DLG2: variants seen among roughly 807,000 people sequenced by gnomAD.
DLG2 encodes disks large homolog 2.
Under a neutral mutation model 132.5 loss-of-function variants are expected in DLG2, and 45 were observed. The observed-to-expected ratio is 0.34, with a 90% confidence interval of 0.27 to 0.44. DLG2 has a LOEUF of 0.44. Ranked by LOEUF, DLG2 falls within the 20% of genes least tolerant of loss-of-function variation. The pLI is 1.00. For missense variants in DLG2, 1,045 were observed against 1,196.9 expected (o/e 0.87, Z 1.87); for synonymous variants, 424 against 419.6 (o/e 1.01, Z -0.13).
intron 6 of DLG2, among the ~76,000 whole-genome samples, chr11:84,914,443 T>G (rs1192594902): frequency 6.6e-6 from 1 of 152,250 alleles, no homozygotes; most frequent in African/African-American, 2.4e-5. Flanking sequence ...GTGCAGATAT[T>G]AGCAAATAGA....
intron 6 of DLG2, among the ~76,000 whole-genome samples, chr11:85,024,816 C>T (rs1271259952): frequency 6.6e-6 from 1 of 152,148 alleles, no homozygotes; most frequent in Non-Finnish European, 1.5e-5. Context: ...TCAGGTCTCT[C>T]AGTTAACATA....
At chr11:83,931,655 A>G (rs1317924057) in intron 14 of DLG2, among the ~76,000 whole-genome samples, 1 of 152,230 alleles carries the variant, frequency 6.6e-6, no homozygotes, top group Non-Finnish European at 1.5e-5. Context: ...ATTCAAGCCA[A>G]TGAAAATGAG....
chr11:85,420,384 G>T (rs936400662), intron 3 of DLG2, among the ~76,000 whole-genome samples: 1 of 152,140 alleles, frequency 6.6e-6, no homozygotes, highest in African/African-American at 2.4e-5. Flanking sequence ...CTGCTGGGAG[G>T]TGTCTCCCAG....
intron 6 of DLG2, among the ~76,000 whole-genome samples, chr11:84,547,098 A>G (rs1216987995): frequency 6.6e-6 from 1 of 152,134 alleles, no homozygotes; most frequent in Non-Finnish European, 1.5e-5. Context: ...ACTACCTCAC[A>G]AGATTTTTTA....
chr11:85,066,725 T>G (rs2064977563), intron 6 of DLG2, among the ~76,000 whole-genome samples: 2 of 151,604 alleles, frequency 1.3e-5, no homozygotes, highest in African/African-American at 4.8e-5. Flanking sequence ...GAAAAAGCAT[T>G]CAATAGAATT....
At chr11:84,809,855 T>C (rs974999400) in intron 6 of DLG2, among the ~76,000 whole-genome samples, 1 of 151,950 alleles carries the variant, frequency 6.6e-6, no homozygotes, top group African/African-American at 2.4e-5. Context: ...CTTACAGAGC[T>C]ACAGTAATTA....
At chr11:84,788,257 C>T (rs1306982116) in intron 6 of DLG2, among the ~76,000 whole-genome samples, 1 of 152,062 alleles carries the variant, frequency 6.6e-6, no homozygotes, top group African/African-American at 2.4e-5. Flanking sequence ...TTACACTTCT[C>T]ACTTTCTCTG....
intron 4 of DLG2, among the ~76,000 whole-genome samples, chr11:85,177,263 T>TTATATATATA (rs748552882): frequency 2.2e-5 from 3 of 137,056 alleles, no homozygotes; most frequent in African/African-American, 5.9e-5. Context: ...GTATATGTAT[T>TTATATATATA]TATATATATA....
At position 84,930,718 on chromosome 11, in the gene DLG2, C is replaced by T. The variant is rs79072728; in HGVS notation, c.357+180943G>A. Among the ~76,000 whole-genome samples the T allele has an allele frequency of 5.6e-4, 86 of 152,240 alleles. No homozygotes were observed. The East Asian group carries it at 0.015, about 26-fold the overall frequency. On this transcript the variant is annotated intron_variant, in intron 6 of 27. Transcript: ENST00000376104. ...CTTTTGCTCCTCTCAGTGTATGTTCCCCTCTCATCAAGACTGGATCTTTCT... is the reference window on the plus strand; with the variant it reads ...CTTTTGCTCCTCTCAGTGTATGTTCTCCTCTCATCAAGACTGGATCTTTCT...
At chr11:85,312,131 G>A (rs1324226148) in intron 3 of DLG2, among the ~76,000 whole-genome samples, 1 of 151,900 alleles carries the variant, frequency 6.6e-6, no homozygotes, top group East Asian at 1.9e-4. Flanking sequence ...ATAGTAAAAT[G>A]TGTCACACTG....
At chr11:85,547,189 G>A (rs556802961) in intron 3 of DLG2, among the ~76,000 whole-genome samples, 2 of 152,128 alleles carry the variant, frequency 1.3e-5, no homozygotes, top group Non-Finnish European at 2.9e-5. Context: ...GGCAGGCCTG[G>A]TGGTGACAAA....
intron 6 of DLG2, among the ~76,000 whole-genome samples, chr11:84,898,313 G>T (rs1397575422): frequency 1.3e-5 from 2 of 151,640 alleles, no homozygotes; most frequent in African/African-American, 2.4e-5. Context: ...TTGCTTTATT[G>T]GTTTCTTTCC....
chr11:84,471,481 G>A (rs1402140505), intron 7 of DLG2, among the ~76,000 whole-genome samples: 1 of 151,496 alleles, frequency 6.6e-6, no homozygotes, highest in Non-Finnish European at 1.5e-5. Context: ...TTCTGGTCTG[G>A]TCAGTTATGG....
chr11:84,078,263 G>A (rs935840452), intron 10 of DLG2, among the ~76,000 whole-genome samples: 6 of 152,098 alleles, frequency 3.9e-5, no homozygotes, highest in Non-Finnish European at 7.4e-5. Context: ...CAGGTAGATG[G>A]GAATGGGAAG....
intron 3 of DLG2, among the ~76,000 whole-genome samples, chr11:85,498,669 C>T (rs1012559500): frequency 6.6e-6 from 1 of 152,026 alleles, no homozygotes; most frequent in African/African-American, 2.4e-5. Flanking sequence ...AAATTGACCA[C>T]ATAATTGGAA....
At chr11:84,494,682 A>T (rs1301771280) in intron 7 of DLG2, among the ~76,000 whole-genome samples, 1 of 152,160 alleles carries the variant, frequency 6.6e-6, no homozygotes, top group Non-Finnish European at 1.5e-5. Flanking sequence ...GCCAGGGGTG[A>T]GCTTCAGCTG....
At chr11:85,518,766 G>A (rs1455602111) in intron 3 of DLG2, among the ~76,000 whole-genome samples, 1 of 152,192 alleles carries the variant, frequency 6.6e-6, no homozygotes, top group South Asian at 2.1e-4. Context: ...AGGTCCGGAG[G>A]CCTAGGAGGA....
intron 18 of DLG2, among the ~76,000 whole-genome samples, chr11:83,772,380 A>G (rs2094429468): frequency 6.7e-6 from 1 of 149,728 alleles, no homozygotes; most frequent in Admixed American, 6.7e-5. Context: ...ACTGCACTCC[A>G]GCCTGGGTGA....
chr11:84,370,270 A>G (rs1241312876), intron 7 of DLG2, among the ~76,000 whole-genome samples: 1 of 152,066 alleles, frequency 6.6e-6, no homozygotes. Flanking sequence ...TTTCAACTTT[A>G]TTAGGTACTT....
Sources: gnomAD v4.1 joint callset for allele counts (sites outside exome capture counted in the v4.1 genomes callset) on GRCh38, gnomAD v4.1.1 for gene constraint, MANE v1.5 for transcripts, NCBI Gene and HGNC (gene_info 2026-07-23, HGNC 2026-07-21) for gene names.